The following MYO10 variants were observed in gnomAD, a reference collection of about 807,000 sequenced individuals.
MYO10 encodes myosin X, also known as unconventional myosin-X.
In MYO10, 133 loss-of-function variants were observed where a neutral mutation model predicts 257.3. The observed-to-expected ratio is 0.52, with a 90% CI of 0.45 to 0.60. The LOEUF (loss-of-function observed/expected upper bound fraction) is 0.60. Ranked by LOEUF, MYO10 falls within the 20% of genes least tolerant of loss-of-function variation. The probability of loss-of-function intolerance (pLI) is 0.00; values close to 1 mark genes in which losing one functional copy is unlikely to be tolerated. For synonymous variants in MYO10, 1,104 were observed against 1,028.6 expected (o/e 1.07, Z -1.40); for missense variants, 2,399 against 2,635.7 (o/e 0.91, Z 1.97).
chr5:16,865,780 T>C (rs1410261970), intron 2 of MYO10, among the ~76,000 whole-genome samples: 1 of 150,756 alleles, frequency 6.6e-6, no homozygotes, highest in Non-Finnish European at 1.5e-5. Flanking sequence ...CACTACACTC[T>C]AGCCTGGGTG....
intron 3 of MYO10, among the ~76,000 whole-genome samples, chr5:16,799,230 A>AAAGATACTGCTC (rs879578739): frequency 0.11 from 16,707 of 152,044 alleles, 1,043 homozygotes; most frequent in South Asian, 0.25. Context: ...TCGTTCTGAC[A>AAAGATACTGCTC]GTGTGGATGA....
At chr5:16,753,902 C>A (rs1003296862) in intron 19 of MYO10, among the ~76,000 whole-genome samples, 6 of 152,082 alleles carry the variant, frequency 3.9e-5, no homozygotes, top group African/African-American at 1.4e-4. Context: ...TATAATAAAC[C>A]AAGTCTCATG....
At chr5:16,850,743 T>C (rs943318154) in intron 2 of MYO10, among the ~76,000 whole-genome samples, 1 of 132,220 alleles carries the variant, frequency 7.6e-6, no homozygotes, top group African/African-American at 2.8e-5. Flanking sequence ...TCTAAAAAGT[T>C]TGGGGAAGGG....
intron 2 of MYO10, among the ~76,000 whole-genome samples, chr5:16,819,815 C>A (rs1482139984): frequency 6.6e-6 from 1 of 152,194 alleles, no homozygotes; most frequent in Non-Finnish European, 1.5e-5. Context: ...TGACAAATGG[C>A]ATGTTTCATT....
chr5:16,862,797 G>A (rs539929938), intron 2 of MYO10, among the ~76,000 whole-genome samples: 57 of 152,084 alleles, frequency 3.7e-4, no homozygotes, highest in Non-Finnish European at 7.8e-4. Context: ...CCACAAAATC[G>A]AAAGCAACCA....
At chr5:16,806,136 G>A (rs1742269137) in intron 3 of MYO10, among the ~76,000 whole-genome samples, 1 of 151,336 alleles carries the variant, frequency 6.6e-6, no homozygotes, top group Non-Finnish European at 1.5e-5. Context: ...TTTGAGGTCA[G>A]GAGTTTGAGA....
intron 3 of MYO10, among the ~76,000 whole-genome samples, chr5:16,796,705 A>G (rs1474033033): frequency 6.6e-6 from 1 of 152,100 alleles, no homozygotes; most frequent in Non-Finnish European, 1.5e-5. Flanking sequence ...CTAACCACCA[A>G]CCAACTTTTA....
At position 16,674,868 on chromosome 5, in the gene MYO10, T is replaced by C; in HGVS notation, c.4949A>G (p.Lys1650Arg). 6.2e-7 allele frequency: 1 copy of C among 1,613,940 alleles called. No individual in the cohort carries two copies. Among genetic ancestry groups the C allele is most frequent in the Non-Finnish European group, 8.5e-7 (1 of 1,179,864 alleles). The change falls in exon 35 of 41, where the codon AAG (lysine) becomes AGG (arginine). Residue 1650 changes from lysine to arginine, a missense_variant. Transcript: ENST00000513610. Reference protein sequence around the residue: ...LPSRGILKYLKFHLKRIREQF... With the variant: ...LPSRGILKYLRFHLKRIREQF... ...CATGCTTTACCTTTTCAGATGGAAC[T>C]TGAGATACTTGAGAATCCCTCGACT... is the stretch of plus-strand genomic sequence containing the variant.
intron 1 of MYO10, among the ~76,000 whole-genome samples, chr5:16,923,911 G>A (rs1016488273): frequency 1.3e-5 from 2 of 152,094 alleles, no homozygotes; most frequent in Non-Finnish European, 2.9e-5. Flanking sequence ...GCAAAACAAG[G>A]AGACCTCATC....
At chr5:16,933,909 C>A (rs984414547) in intron 1 of MYO10, among the ~76,000 whole-genome samples, 4 of 151,988 alleles carry the variant, frequency 2.6e-5, no homozygotes, top group Non-Finnish European at 5.9e-5. Context: ...CGAAAAGTTC[C>A]CAGAAATACC....
In MYO10 at chr5:16,873,954, A is replaced by ACATTTTCCC. The variant is rs781494840; in HGVS notation, c.120+3646_120+3654dup. Among the ~76,000 whole-genome samples the ACATTTTCCC allele has an allele frequency of 3.2e-3, 486 of 152,250 alleles. 3 individuals are homozygous for ACATTTTCCC. Among genetic ancestry groups the ACATTTTCCC allele is most frequent in the Non-Finnish European group, 5.7e-3 (388 of 68,022 alleles). ...TGAAGGTCTCTGATATGGCCTGGAG[A>ACATTTTCCC]CATTTTCCCCATGGTCTTAGGGATT... On this transcript the variant is annotated intron_variant, in intron 2 of 40. Transcript: ENST00000513610.
At chr5:16,776,971 A>C (rs933357828) in intron 9 of MYO10, among the ~76,000 whole-genome samples, 1 of 152,202 alleles carries the variant, frequency 6.6e-6, no homozygotes, top group Admixed American at 6.5e-5. Flanking sequence ...TAAAATAGGA[A>C]AAAAGCCAGA....
intron 10 of MYO10, among the ~76,000 whole-genome samples, 176 bp from the exon 11 acceptor site, chr5:16,766,374 C>T (rs1244023141): frequency 1.3e-5 from 2 of 152,206 alleles, no homozygotes; most frequent in African/African-American, 2.4e-5. Flanking sequence ...CATAGAGCCT[C>T]GTGCTTGGAC....
chr5:16,769,310 G>A lies in MYO10; in HGVS notation c.931-107C>T. On this transcript the variant is annotated intron_variant, in intron 9 of 40. Coordinates refer to ENST00000513610, the MANE Select transcript of MYO10 (RefSeq NM_012334.3). ...TACTAGGTGTTATTGAAAAGGCAAAGAAACAAAAAATAGATGCATAACCAC... is the reference window on the plus strand; with the variant it reads ...TACTAGGTGTTATTGAAAAGGCAAAAAAACAAAAAATAGATGCATAACCAC... The A allele has an allele frequency of 2.4e-6, 3 of 1,247,440 alleles. No homozygotes were observed. In the Admixed American group the frequency reaches 9.8e-5, roughly 41 times the overall value. 77.3% of individuals were successfully genotyped at this position (1,247,440 alleles called of 1,614,324 possible).
intron 28 of MYO10, among the ~76,000 whole-genome samples, chr5:16,686,873 A>C (rs1416431611): frequency 1.3e-5 from 2 of 152,176 alleles, no homozygotes; most frequent in Non-Finnish European, 2.9e-5. Context: ...GTTTTCAACC[A>C]TCTAACAGCA....
rs59494660 is a variant in MYO10 at position 16,777,121 on chromosome 5, A to T, written c.930+2424T>A. ...GAGAGGTCTAAAGGGCCAATATAAA[A>T]TTGGAAAAGATAATTAAAATACTTA... On this transcript the variant is annotated intron_variant, in intron 9 of 40. Coordinates refer to ENST00000513610, the MANE Select transcript of MYO10 (RefSeq NM_012334.3). Among the ~76,000 whole-genome samples the T allele has an allele frequency of 2.6e-3, 395 of 152,326 alleles. 1 individual carries two copies. The highest frequency in any genetic ancestry group is 9.2e-3 in the African/African-American group (384 of 41,578).
chr5:16,765,246 G>T (rs1205212368), intron 11 of MYO10, among the ~76,000 whole-genome samples: 1 of 152,074 alleles, frequency 6.6e-6, no homozygotes, highest in Non-Finnish European at 1.5e-5. Flanking sequence ...TCCTTAATCT[G>T]GTGGGCACAA....
chr5:16,863,273 CCCCACCCATCCA>C lies in MYO10; in HGVS notation c.120+14324_120+14335del, dbSNP rs1744155806. 9.2e-5 allele frequency among the ~76,000 whole-genome samples: 14 copies of C among 152,340 alleles called. No individual in the cohort carries two copies. In the South Asian group the frequency reaches 2.9e-3, roughly 32 times the overall value. ...ATAGTCCTAACAGATCTGATCCCCTCCCCACCCATCCACCCACCCACTGGGGAGAAGCCCAGC... is the reference window on the plus strand; with the variant it reads ...ATAGTCCTAACAGATCTGATCCCCTCCCCACCCACTGGGGAGAAGCCCAGC... On this transcript the variant is annotated intron_variant, in intron 2 of 40. Transcript: ENST00000513610.
intron 2 of MYO10, among the ~76,000 whole-genome samples, chr5:16,870,164 C>T (rs1333054601): frequency 1.3e-5 from 2 of 151,224 alleles, no homozygotes. Context: ...AACTCCTGGC[C>T]GCTGGAGGGG....
Sources: gnomAD v4.1 joint callset for allele counts (sites outside exome capture counted in the v4.1 genomes callset) on GRCh38, gnomAD v4.1.1 for gene constraint, MANE v1.5 for transcripts, NCBI Gene and HGNC (gene_info 2026-07-23, HGNC 2026-07-21) for gene names.